ZNF804A: variants seen among roughly 807,000 people sequenced by gnomAD.
The protein encoded by ZNF804A is zinc finger protein 804A.
In ZNF804A, 2 loss-of-function variants were observed where a neutral mutation model predicts 16.5. That is an observed-to-expected ratio of 0.12 (90% CI 0.05 to 0.38). ZNF804A has a LOEUF of 0.38. Ranked by LOEUF, ZNF804A falls within the 10% of genes least tolerant of loss-of-function variation. The probability of loss-of-function intolerance (pLI) is 0.99; values close to 1 mark genes in which losing one functional copy is unlikely to be tolerated. For synonymous variants in ZNF804A, 534 were observed against 489.6 expected, an observed-to-expected ratio of 1.09 and a Z score of -1.20; for missense variants, 1,473 against 1,390.7, an observed-to-expected ratio of 1.06 and a Z score of -0.94.
intron 2 of ZNF804A, among the ~76,000 whole-genome samples, chr2:184,896,873 C>G (rs1360837156): frequency 6.8e-6 from 1 of 146,508 alleles, no homozygotes; most frequent in African/African-American, 2.4e-5. Context: ...ATCTTCTATT[C>G]CTTTTGTGAA....
chr2:184,729,834 C>A (rs1479078562), intron 1 of ZNF804A, among the ~76,000 whole-genome samples: 3 of 152,088 alleles, frequency 2.0e-5, no homozygotes, highest in African/African-American at 7.2e-5. Context: ...ATATGGCACA[C>A]TGAACTATTC....
intron 1 of ZNF804A, among the ~76,000 whole-genome samples, chr2:184,634,557 G>A (rs1242229813): frequency 2.0e-5 from 3 of 152,178 alleles, no homozygotes; most frequent in African/African-American, 7.2e-5. Flanking sequence ...TGAGGAGGGA[G>A]GGAGGGCGTC....
At chr2:184,877,445 T>A (rs1445734903) in intron 2 of ZNF804A, among the ~76,000 whole-genome samples, 1 of 152,064 alleles carries the variant, frequency 6.6e-6, no homozygotes, top group Non-Finnish European at 1.5e-5. Context: ...ATTCCTAGAA[T>A]CAAAATTTTT....
At chr2:184,883,739 T>TA (rs1194858722) in intron 2 of ZNF804A, among the ~76,000 whole-genome samples, 1 of 152,016 alleles carries the variant, frequency 6.6e-6, no homozygotes, top group Non-Finnish European at 1.5e-5. Context: ...AGGCATTTGA[T>TA]AAAATTCAAC....
At chr2:184,615,695 A>G (rs1051147475) in intron 1 of ZNF804A, among the ~76,000 whole-genome samples, 1 of 152,080 alleles carries the variant, frequency 6.6e-6, no homozygotes, top group Non-Finnish European at 1.5e-5. Context: ...CAAGCCCAAT[A>G]ATAGGCAGTG....
At chr2:184,830,594 G>A (rs78814205) in intron 1 of ZNF804A, among the ~76,000 whole-genome samples, 15,897 of 152,090 alleles carry the variant, frequency 0.1, 2,737 homozygotes, top group African/African-American at 0.36. Flanking sequence ...AAATGCTAAC[G>A]TAAGTATCTG....
At chr2:184,676,918 A>T (rs181129972) in intron 1 of ZNF804A, among the ~76,000 whole-genome samples, 1 of 151,924 alleles carries the variant, frequency 6.6e-6, no homozygotes. Context: ...GTTCAACATA[A>T]ATAAATTTTA....
At chr2:184,658,743 A>G (rs1318546666) in intron 1 of ZNF804A, among the ~76,000 whole-genome samples, 1 of 152,198 alleles carries the variant, frequency 6.6e-6, no homozygotes, top group African/African-American at 2.4e-5. Context: ...CAAGTATCAG[A>G]ACATAGGTTT....
chr2:184,829,604 TATATTATCTG>T (rs1695226640), intron 1 of ZNF804A, among the ~76,000 whole-genome samples: 1 of 151,962 alleles, frequency 6.6e-6, no homozygotes, highest in Admixed American at 6.6e-5. Context: ...AATCTAGACT[TATATTATCTG>T]ATATTATCTG....
intron 1 of ZNF804A, among the ~76,000 whole-genome samples, chr2:184,648,970 T>C (rs1691931385): frequency 6.6e-6 from 1 of 151,804 alleles, no homozygotes; most frequent in Non-Finnish European, 1.5e-5. Context: ...TCAAAACCCA[T>C]GGAATATATA....
chr2:184,772,196 C>G (rs1159550264), intron 1 of ZNF804A, among the ~76,000 whole-genome samples: 1 of 150,798 alleles, frequency 6.6e-6, no homozygotes, highest in African/African-American at 2.4e-5. Flanking sequence ...CTGAAATGTA[C>G]TTTGCATATT....
At chr2:184,690,846 A>G (rs550657870) in intron 1 of ZNF804A, among the ~76,000 whole-genome samples, 27 of 152,198 alleles carry the variant, frequency 1.8e-4, no homozygotes, top group African/African-American at 6.3e-4. Context: ...ATTTACTTAT[A>G]TAACTATACA....
chr2:184,671,493 A>G (rs1393511365), intron 1 of ZNF804A, among the ~76,000 whole-genome samples: 1 of 152,080 alleles, frequency 6.6e-6, no homozygotes, highest in Non-Finnish European at 1.5e-5. Context: ...CCTCCTTTGT[A>G]TTATATGGAC....
intron 1 of ZNF804A, among the ~76,000 whole-genome samples, chr2:184,690,875 G>A (rs1265129309): frequency 1.3e-5 from 2 of 151,756 alleles, no homozygotes; most frequent in Admixed American, 1.3e-4. Flanking sequence ...CATAATATGT[G>A]AACAGGTATA....
intron 3 of ZNF804A, 98 bp from the exon 4 acceptor site, chr2:184,935,685 A>G (rs1452728918): frequency 2.2e-6 from 3 of 1,382,712 alleles, no homozygotes; most frequent in Admixed American, 2.6e-5. Flanking sequence ...TTAAAATTTG[A>G]AAAAATATTA....
intron 1 of ZNF804A, among the ~76,000 whole-genome samples, chr2:184,753,285 T>C (rs1005063426): frequency 6.6e-6 from 1 of 151,664 alleles, no homozygotes; most frequent in Non-Finnish European, 1.5e-5. Flanking sequence ...CTCAAGGCAA[T>C]AGGCAATAGG....
At chr2:184,825,201 G>A (rs1695142694) in intron 1 of ZNF804A, among the ~76,000 whole-genome samples, 1 of 151,930 alleles carries the variant, frequency 6.6e-6, no homozygotes, top group Non-Finnish European at 1.5e-5. Flanking sequence ...TGTACAAATA[G>A]GTAGTCACAA....
chr2:184,604,887 A>G lies in ZNF804A; in HGVS notation c.111+5817A>G, dbSNP rs147334888. On this transcript the variant is annotated intron_variant, in intron 1 of 3. Coordinates refer to ENST00000302277, the MANE Select transcript of ZNF804A (RefSeq NM_194250.2). ...AAATATCTAGGATCTCTATCATAATAAGAAATATACAGGGATTTCAGAGTG... is the reference window on the plus strand; with the variant it reads ...AAATATCTAGGATCTCTATCATAATGAGAAATATACAGGGATTTCAGAGTG... Among the ~76,000 whole-genome samples the G allele has an allele frequency of 3.5e-3, 533 of 152,298 alleles. 6 individuals are homozygous for G. The highest frequency in any genetic ancestry group is 0.012 in the African/African-American group (502 of 41,564).
intron 1 of ZNF804A, among the ~76,000 whole-genome samples, chr2:184,798,004 A>ATGTGTGTG (rs1443753151): frequency 7.3e-5 from 9 of 123,342 alleles, no homozygotes; most frequent in Non-Finnish European, 1.0e-4. Context: ...CATGGCTGAT[A>ATGTGTGTG]TATGTGTGTG....
Sources: gnomAD v4.1 joint callset for allele counts (sites outside exome capture counted in the v4.1 genomes callset) on GRCh38, gnomAD v4.1.1 for gene constraint, MANE v1.5 for transcripts, NCBI Gene and HGNC (gene_info 2026-07-23, HGNC 2026-07-21) for gene names.